SIL1: variants seen among roughly 807,000 people sequenced by gnomAD.
The protein encoded by SIL1 is nucleotide exchange factor SIL1.
Under a neutral mutation model 49.1 loss-of-function variants are expected in SIL1, and 40 were observed. The observed-to-expected ratio is 0.81, with a 90% CI of 0.63 to 1.06. The LOEUF is 1.06. Among genes scored for constraint, SIL1 ranks in the 50% least tolerant of loss-of-function variants. The pLI, the probability that SIL1 is intolerant of heterozygous loss-of-function variation, is 0.00. For synonymous variants in SIL1, 253 were observed against 250.8 expected (o/e 1.01, Z -0.08); for missense variants, 500 against 572.6 (o/e 0.87, Z 1.29).
At chr5:139,057,562 C>A (rs1769484093) in intron 3 of SIL1, among the ~76,000 whole-genome samples, 1 of 152,022 alleles carries the variant, frequency 6.6e-6, no homozygotes, top group Non-Finnish European at 1.5e-5. Flanking sequence ...GAAGCTTTGG[C>A]TCCTCAGAGG....
chr5:139,008,053 T>A (rs1014770069), intron 7 of SIL1, among the ~76,000 whole-genome samples: 22 of 152,186 alleles, frequency 1.4e-4, no homozygotes, highest in African/African-American at 5.3e-4. Context: ...TTCCTCCCTG[T>A]ACCTCTGGTA....
chr5:139,155,052 C>A (rs939060319), intron 1 of SIL1, among the ~76,000 whole-genome samples: 18 of 152,274 alleles, frequency 1.2e-4, no homozygotes, highest in Admixed American at 9.8e-4. Flanking sequence ...GGATACGTAC[C>A]TTTTGGCTGA....
chr5:139,143,324 C>CATATAT (rs1561878684), intron 1 of SIL1, among the ~76,000 whole-genome samples: 38 of 121,324 alleles, frequency 3.1e-4, no homozygotes, highest in African/African-American at 1.3e-3. Flanking sequence ...CACACACACA[C>CATATAT]ACACACACAC....
chr5:139,143,224 A>T (rs1751115791), intron 1 of SIL1, among the ~76,000 whole-genome samples: 2 of 141,124 alleles, frequency 1.4e-5, no homozygotes, highest in African/African-American at 2.9e-5. Flanking sequence ...TACACATATA[A>T]ATGTATATAC....
chr5:139,111,539 G>A (rs1022990014), intron 3 of SIL1, among the ~76,000 whole-genome samples: 2 of 152,130 alleles, frequency 1.3e-5, no homozygotes, highest in African/African-American at 2.4e-5. Context: ...CCTTCCTGTA[G>A]GGGGTCCTCC....
intron 7 of SIL1, among the ~76,000 whole-genome samples, chr5:138,987,886 G>C (rs369910136): frequency 6.6e-6 from 1 of 152,234 alleles, no homozygotes; most frequent in African/African-American, 2.4e-5. Context: ...ACCCAGGCTA[G>C]AGTGCAATGG....
chr5:138,976,142 C>T (rs73790395), intron 7 of SIL1, among the ~76,000 whole-genome samples: 4,470 of 152,182 alleles, frequency 0.029, 223 homozygotes, highest in African/African-American at 0.1. Context: ...ATGACCTTCA[C>T]GGCCCAGATA....
At chr5:139,074,323 C>T (rs1231361731) in intron 3 of SIL1, among the ~76,000 whole-genome samples, 1 of 152,182 alleles carries the variant, frequency 6.6e-6, no homozygotes, top group Non-Finnish European at 1.5e-5. Flanking sequence ...TCCCAAAGTG[C>T]TGGGATTATA....
intron 7 of SIL1, among the ~76,000 whole-genome samples, chr5:138,971,522 C>T (rs1052669583): frequency 2.0e-5 from 3 of 152,186 alleles, no homozygotes; most frequent in Non-Finnish European, 4.4e-5. Flanking sequence ...GCAGGGTTTT[C>T]TCACCAACTA....
At chr5:139,029,605 G>A (rs1768740744) in intron 5 of SIL1, among the ~76,000 whole-genome samples, 1 of 151,752 alleles carries the variant, frequency 6.6e-6, no homozygotes, top group Non-Finnish European at 1.5e-5. Flanking sequence ...GGACTCAAGT[G>A]ATCCTTCCAC....
At chr5:139,112,613 C>A (rs912591182) in intron 3 of SIL1, among the ~76,000 whole-genome samples, 4 of 150,520 alleles carry the variant, frequency 2.7e-5, no homozygotes, top group Non-Finnish European at 5.9e-5. Flanking sequence ...GCCCGGCAGC[C>A]AACCCCTCCG....
At chr5:138,956,533 C>T (rs942940005) in intron 7 of SIL1, among the ~76,000 whole-genome samples, 2 of 152,154 alleles carry the variant, frequency 1.3e-5, no homozygotes, top group South Asian at 2.1e-4. Flanking sequence ...CACTTGAAAT[C>T]AGGAGTCCAA....
chr5:138,985,757 G>A (rs899705826), intron 7 of SIL1, among the ~76,000 whole-genome samples: 4 of 152,194 alleles, frequency 2.6e-5, no homozygotes, highest in African/African-American at 7.2e-5. Flanking sequence ...GAGTCACACT[G>A]AGTCAGGGGC....
chr5:139,059,632 G>A (rs1334563045), intron 3 of SIL1, among the ~76,000 whole-genome samples: 1 of 152,048 alleles, frequency 6.6e-6, no homozygotes, highest in Non-Finnish European at 1.5e-5. Context: ...TAACAAAAGA[G>A]GACATCAACA....
At chr5:138,967,015 T>C (rs1326529813) in intron 7 of SIL1, among the ~76,000 whole-genome samples, 1 of 152,228 alleles carries the variant, frequency 6.6e-6, no homozygotes, top group African/African-American at 2.4e-5. Context: ...TCGAGTGAGA[T>C]AGGGCAGGTG....
chr5:139,105,357 T>TA (rs1444337310), intron 3 of SIL1, among the ~76,000 whole-genome samples: 1 of 152,106 alleles, frequency 6.6e-6, no homozygotes, highest in Non-Finnish European at 1.5e-5. Context: ...ATAGTCAAAA[T>TA]ACCACTGACA....
chr5:139,012,232 C>G (rs1330396618), intron 7 of SIL1: 1 of 151,950 alleles, frequency 6.6e-6, no homozygotes, highest in Non-Finnish European at 1.5e-5. Flanking sequence ...TAAAATATTT[C>G]TTTGTAGAGA....
intron 3 of SIL1, among the ~76,000 whole-genome samples, chr5:139,113,463 C>G (rs1770922572): frequency 6.6e-6 from 1 of 151,474 alleles, no homozygotes; most frequent in Non-Finnish European, 1.5e-5. Flanking sequence ...TTTTCCCTTA[C>G]ACACACCTGC....
chr5:139,064,113 C>T (rs963433617), intron 3 of SIL1, among the ~76,000 whole-genome samples: 14 of 152,198 alleles, frequency 9.2e-5, no homozygotes, highest in African/African-American at 3.4e-4. Context: ...TTCTCGTTTA[C>T]AGCACCTGTT....
Sources: allele counts gnomAD v4.1 joint callset (sites outside exome capture counted in the v4.1 genomes callset), GRCh38; gene constraint gnomAD v4.1.1; transcripts MANE v1.5; gene names NCBI Gene and HGNC (gene_info 2026-07-23, HGNC 2026-07-21).